The following HSD17B2 variants were observed in gnomAD, a reference collection of about 807,000 sequenced individuals.
HSD17B2 encodes 17-beta-hydroxysteroid dehydrogenase type 2.
Under a neutral mutation model 26.9 loss-of-function variants are expected in HSD17B2, and 32 were observed. The ratio of observed to expected loss-of-function variants is 1.19; its 90% CI spans 0.90 to 1.60. The LOEUF is 1.60. HSD17B2 is among the 40% of genes most tolerant of loss of function. HSD17B2 has a pLI of 0.00. For missense variants in HSD17B2, 613 were observed against 468.6 expected, an observed-to-expected ratio of 1.31 and a Z score of -2.85; for synonymous variants, 246 against 186.7, an observed-to-expected ratio of 1.32 and a Z score of -2.59.
In HSD17B2 at chr16:82,064,559, G is replaced by A. The variant is rs1470923421; in HGVS notation, c.266-3611G>A. Among the ~76,000 whole-genome samples the A allele has an allele frequency of 2.6e-5, 4 of 152,200 alleles. No homozygotes were observed. The East Asian group carries it at 7.7e-4, about 29-fold the overall frequency. On this transcript the variant is annotated intron_variant, in intron 1 of 4. Transcript: ENST00000199936. ...TTGCTAGGTCGTCTGGTGACATTAT[G>A]TTTAACCTTTTGAGGACTGTTTTCC...
At chr16:82,071,228 G>A (rs1489549003) in intron 3 of HSD17B2, 101 bp downstream of exon 3, 2 of 1,161,464 alleles carry the variant, frequency 1.7e-6, no homozygotes, top group Admixed American at 3.4e-5. Flanking sequence ...TGCAAAGGCA[G>A]GGTTGGGTCA....
intron 1 of HSD17B2, among the ~76,000 whole-genome samples, chr16:82,059,820 C>A (rs1333182060): frequency 1.3e-5 from 2 of 152,072 alleles, no homozygotes; most frequent in Non-Finnish European, 2.9e-5. Flanking sequence ...TGTTTAATTT[C>A]CCGGGCACTT....
chr16:82,071,103 C>T lies in HSD17B2; in HGVS notation c.640C>T (p.Leu214=). 3 of 1,614,150 alleles carry T rather than the reference C, an allele frequency of 1.9e-6. No homozygotes were observed. The highest frequency in any genetic ancestry group is 2.5e-6 in the Non-Finnish European group (3 of 1,180,026). The change falls in exon 3 of 5, where the codon CTG becomes TTG. Residue 214 remains leucine, a synonymous_variant. Coordinates refer to ENST00000199936, the MANE Select transcript of HSD17B2 (RefSeq NM_002153.3). ...TCTTCTTAGAAAATCCAAAGGGAGGCTGGTGAATGTCAGCAGCATGGGAGG... is the reference window on the plus strand; with the variant it reads ...TCTTCTTAGAAAATCCAAAGGGAGGTTGGTGAATGTCAGCAGCATGGGAGG... ...LPLLRKSKGR[L]VNVSSMGGGA...
intron 3 of HSD17B2, among the ~76,000 whole-genome samples, chr16:82,080,753 A>C (rs1296683496): frequency 6.6e-6 from 1 of 152,096 alleles, no homozygotes; most frequent in Non-Finnish European, 1.5e-5. Flanking sequence ...CATTCCTCCC[A>C]ATCTCATGTA....
intron 3 of HSD17B2, among the ~76,000 whole-genome samples, chr16:82,088,963 A>G (rs1259561845): frequency 6.6e-6 from 1 of 152,184 alleles, no homozygotes; most frequent in African/African-American, 2.4e-5. Flanking sequence ...AGAAAGAATA[A>G]ATAAGCTCAC....
intron 4 of HSD17B2, chr16:82,091,520 T>A (rs1904694175): frequency 6.0e-6 from 1 of 167,932 alleles, no homozygotes; most frequent in Non-Finnish European, 1.3e-5. Flanking sequence ...AATTTAAAGT[T>A]CTTTTTTAGT....
chr16:82,097,147 G>C (rs534809737), intron 4 of HSD17B2: 2 of 151,836 alleles, frequency 1.3e-5, no homozygotes, highest in African/African-American at 2.4e-5. Flanking sequence ...TCCCACTTCA[G>C]TCTCCCGAAT....
chr16:82,049,167 A>G (rs1172661969), intron 1 of HSD17B2, among the ~76,000 whole-genome samples: 4 of 152,218 alleles, frequency 2.6e-5, no homozygotes, highest in African/African-American at 9.6e-5. Context: ...ACTGGGAGCA[A>G]TTTGGTTACC....
chr16:82,092,363 T>A (rs1198414592), intron 4 of HSD17B2: 1 of 152,186 alleles, frequency 6.6e-6, no homozygotes, highest in East Asian at 1.9e-4. Context: ...AGGCTCAGTC[T>A]TCAGTTCTGG....
chr16:82,063,601 C>T (rs905766465), intron 1 of HSD17B2, among the ~76,000 whole-genome samples: 1 of 151,978 alleles, frequency 6.6e-6, no homozygotes, highest in African/African-American at 2.4e-5. Flanking sequence ...AGGATTATTG[C>T]AGTAGAGGGA....
At chr16:82,055,023 C>G (rs1677145100) in intron 1 of HSD17B2, among the ~76,000 whole-genome samples, 1 of 152,214 alleles carries the variant, frequency 6.6e-6, no homozygotes. Context: ...TGTTTAGCAG[C>G]TCTCTGGCCT....
Position 82,036,356 on chromosome 16 carries a change from G to C in HSD17B2, c.265+667G>C, listed in dbSNP as rs999264262. ...TGTGTGTGTGTGTGTGTGTGTGTGT[G>C]TGTGTGTTTCCCCATTGCAAGTGTG... On this transcript the variant is annotated intron_variant, in intron 1 of 4. Transcript: ENST00000199936. Among the ~76,000 whole-genome samples, 445 of 120,910 alleles carry C rather than the reference G, an allele frequency of 3.7e-3. 1 individual carries two copies. Among genetic ancestry groups the C allele is most frequent in the African/African-American group, 0.012 (430 of 37,050 alleles). The allele number at this position is 120,910 out of a possible 152,430, so 79.3% of individuals were successfully genotyped here.
intron 1 of HSD17B2, among the ~76,000 whole-genome samples, chr16:82,064,497 A>G (rs185983269): frequency 6.6e-6 from 1 of 152,124 alleles, no homozygotes; most frequent in Non-Finnish European, 1.5e-5. Flanking sequence ...GTAAATATAT[A>G]TTTTCATTTA....
At chr16:82,054,846 C>G (rs1218151804) in intron 1 of HSD17B2, among the ~76,000 whole-genome samples, 1 of 152,204 alleles carries the variant, frequency 6.6e-6, no homozygotes, top group Non-Finnish European at 1.5e-5. Context: ...TAAGTCAACT[C>G]AAGTCACACC....
intron 3 of HSD17B2, among the ~76,000 whole-genome samples, chr16:82,072,474 C>G (rs8191177): frequency 2.2e-4 from 33 of 152,208 alleles, no homozygotes; most frequent in Non-Finnish European, 4.0e-4. Context: ...CTGGGAACGT[C>G]TCACAGACTC....
intron 1 of HSD17B2, among the ~76,000 whole-genome samples, chr16:82,058,550 C>G (rs542135361): frequency 6.6e-6 from 1 of 152,116 alleles, no homozygotes; most frequent in Non-Finnish European, 1.5e-5. Flanking sequence ...ACATAAGGCT[C>G]TCAAACTTTT....
At chr16:82,083,111 C>T (rs1904426733) in intron 3 of HSD17B2, among the ~76,000 whole-genome samples, 1 of 152,168 alleles carries the variant, frequency 6.6e-6, no homozygotes, top group Non-Finnish European at 1.5e-5. Flanking sequence ...CAGCCCAACT[C>T]CCATTCTTGT....
At position 82,077,085 on chromosome 16, in the gene HSD17B2, T is replaced by C. The variant is rs1195239570; in HGVS notation, c.664+5958T>C. 2.6e-5 allele frequency among the ~76,000 whole-genome samples: 4 copies of C among 152,328 alleles called. No individual in the cohort carries two copies. In the East Asian group the frequency reaches 5.8e-4, roughly 22 times the overall value. On this transcript the variant is annotated intron_variant, in intron 3 of 4. Coordinates refer to ENST00000199936, the MANE Select transcript of HSD17B2 (RefSeq NM_002153.3). ...AAAATCAATATTGTTAAAACGTCCATACTATTCAAGGAAATCTATAGATTC... is the reference window on the plus strand; with the variant it reads ...AAAATCAATATTGTTAAAACGTCCACACTATTCAAGGAAATCTATAGATTC...
intron 4 of HSD17B2, chr16:82,091,572 T>C: frequency 6.0e-6 from 1 of 166,430 alleles, no homozygotes; most frequent in Non-Finnish European, 1.3e-5. Flanking sequence ...CTCAGGGATG[T>C]CTTGGATAGA....
Sources: allele counts gnomAD v4.1 joint callset (sites outside exome capture counted in the v4.1 genomes callset), GRCh38; gene constraint gnomAD v4.1.1; transcripts MANE v1.5; gene names NCBI Gene and HGNC (gene_info 2026-07-23, HGNC 2026-07-21).